KCNH7: variants seen among roughly 807,000 people sequenced by gnomAD.
KCNH7 encodes the protein voltage-gated inwardly rectifying potassium channel KCNH7.
Under a neutral mutation model 120.8 loss-of-function variants are expected in KCNH7, and 49 were observed. That is an observed-to-expected ratio of 0.41 (90% CI 0.32 to 0.51). The LOEUF is 0.51. KCNH7 is among the 20% of genes least tolerant of loss of function. The pLI is 0.38. For missense variants in KCNH7, 1,097 were observed against 1,446.6 expected (o/e 0.76, Z 3.92); for synonymous variants, 547 against 516.1 (o/e 1.06, Z -0.81).
intron 2 of KCNH7, among the ~76,000 whole-genome samples, chr2:162,636,579 T>A (rs1260111508): frequency 1.3e-5 from 2 of 152,126 alleles, no homozygotes; most frequent in East Asian, 1.9e-4. Context: ...AACCAAAAAC[T>A]GAACATAAAA....
At chr2:162,617,598 T>TTA (rs1335084062) in intron 2 of KCNH7, among the ~76,000 whole-genome samples, 1 of 152,064 alleles carries the variant, frequency 6.6e-6, no homozygotes, top group African/African-American at 2.4e-5. Flanking sequence ...ACAAAAACAG[T>TTA]TATATATATA....
At chr2:162,769,801 A>C (rs1682971958) in intron 2 of KCNH7, among the ~76,000 whole-genome samples, 1 of 152,146 alleles carries the variant, frequency 6.6e-6, no homozygotes, top group Non-Finnish European at 1.5e-5. Context: ...CAAAACATTA[A>C]AAACGGCATC....
intron 2 of KCNH7, among the ~76,000 whole-genome samples, chr2:162,686,347 G>A (rs1440762536): frequency 1.3e-5 from 2 of 152,066 alleles, no homozygotes; most frequent in African/African-American, 2.4e-5. Context: ...AGAAGTGAAT[G>A]TACCAATTCG....
rs182657799 is a variant in KCNH7 at position 162,637,189 on chromosome 2, C to T, written c.308-100109G>A. 2.0e-4 allele frequency among the ~76,000 whole-genome samples: 30 copies of T among 152,176 alleles called. 1 individual carries two copies. In the East Asian group the frequency reaches 5.2e-3, roughly 26 times the overall value. Reference sequence around the variant, plus strand: ...TTAATGGTTAGGGGAATTCCATCCTCTTGTTTTCATGTGGAGAATTTCCAC... The same window carrying T: ...TTAATGGTTAGGGGAATTCCATCCTTTTGTTTTCATGTGGAGAATTTCCAC... On this transcript the variant is annotated intron_variant, in intron 2 of 15. Transcript: ENST00000332142.
At chr2:162,375,301 C>A (rs948026980) in intron 14 of KCNH7, among the ~76,000 whole-genome samples, 1 of 152,090 alleles carries the variant, frequency 6.6e-6, no homozygotes, top group Admixed American at 6.5e-5. Flanking sequence ...GATTCAAGAT[C>A]CAAAAATGAG....
intron 2 of KCNH7, among the ~76,000 whole-genome samples, chr2:162,591,198 C>T (rs1250900115): frequency 6.6e-6 from 1 of 152,000 alleles, no homozygotes; most frequent in African/African-American, 2.4e-5. Flanking sequence ...TATACATCAC[C>T]CAATTTATTA....
At chr2:162,650,905 T>C (rs1048349027) in intron 2 of KCNH7, among the ~76,000 whole-genome samples, 3 of 152,156 alleles carry the variant, frequency 2.0e-5, no homozygotes, top group Non-Finnish European at 4.4e-5. Flanking sequence ...GGTAGGTACG[T>C]ATAACTAAAG....
chr2:162,626,365 T>C (rs1321044401), intron 2 of KCNH7, among the ~76,000 whole-genome samples: 1 of 152,102 alleles, frequency 6.6e-6, no homozygotes, highest in Non-Finnish European at 1.5e-5. Context: ...ATAAATCCAA[T>C]ACTAGAAATA....
At chr2:162,537,193 G>T in intron 2 of KCNH7, 113 bp from the exon 3 acceptor site, 2 of 720,278 alleles carry the variant, frequency 2.8e-6, no homozygotes, top group African/African-American at 1.8e-5. Context: ...AATGATCACT[G>T]ATATTAAAAA....
At chr2:162,823,909 T>TTTTTTTTTTGAGACGGAGTCTC (rs1323149636) in intron 2 of KCNH7, among the ~76,000 whole-genome samples, 6 of 152,152 alleles carry the variant, frequency 3.9e-5, no homozygotes, top group Non-Finnish European at 5.9e-5. Flanking sequence ...ATTTTTTAAT[T>TTTTTTTTTTGAGACGGAGTCTC]GCCATATAAG....
intron 2 of KCNH7, among the ~76,000 whole-genome samples, chr2:162,801,095 T>C (rs188269172): frequency 1.3e-5 from 2 of 151,916 alleles, no homozygotes; most frequent in East Asian, 3.9e-4. Context: ...TCTCTATTTT[T>C]AAAAGAAGAA....
chr2:162,394,700 G>A (rs1686854267), intron 11 of KCNH7, among the ~76,000 whole-genome samples: 1 of 151,806 alleles, frequency 6.6e-6, no homozygotes, highest in African/African-American at 2.4e-5. Context: ...CCATTTGCTG[G>A]GGAAATCATA....
At chr2:162,441,177 T>C (rs2105538846) in intron 7 of KCNH7, among the ~76,000 whole-genome samples, 1 of 152,282 alleles carries the variant, frequency 6.6e-6, no homozygotes, top group Admixed American at 6.5e-5. Context: ...AGCAACTTTA[T>C]GTGTAGAAAT....
chr2:162,456,610 G>C (rs1330087694), intron 6 of KCNH7, among the ~76,000 whole-genome samples: 1 of 152,094 alleles, frequency 6.6e-6, no homozygotes, highest in African/African-American at 2.4e-5. Context: ...GGGTGTTAAA[G>C]TCTCCCACTA....
At chr2:162,765,284 C>T (rs1278930539) in intron 2 of KCNH7, among the ~76,000 whole-genome samples, 2 of 152,134 alleles carry the variant, frequency 1.3e-5, no homozygotes, top group East Asian at 3.8e-4. Flanking sequence ...GTGTACAAGT[C>T]CAAAAATGCA....
At chr2:162,752,911 A>G (rs1559116090) in intron 2 of KCNH7, among the ~76,000 whole-genome samples, 19 of 44,976 alleles carry the variant, frequency 4.2e-4, no homozygotes, top group Admixed American at 9.7e-4. Context: ...AGAAAAAGAA[A>G]AGAAAAGAAA....
chr2:162,526,096 G>T (rs983021048), intron 3 of KCNH7, among the ~76,000 whole-genome samples: 4 of 151,866 alleles, frequency 2.6e-5, no homozygotes, highest in African/African-American at 9.7e-5. Flanking sequence ...GTGTCCAGGG[G>T]AGACATCACA....
chr2:162,457,552 TATTTATTCAATGAAGATCTACTGTGAA>T (rs1689010289), intron 6 of KCNH7, among the ~76,000 whole-genome samples: 1 of 152,188 alleles, frequency 6.6e-6, no homozygotes, highest in Non-Finnish European at 1.5e-5. Context: ...GAAACAGAAC[TATTTATTCAATGAAGATCTACTGTGAA>T]AATTTTGTGC....
chr2:162,401,944 T>C (rs569508424), intron 9 of KCNH7, among the ~76,000 whole-genome samples: 35 of 151,848 alleles, frequency 2.3e-4, no homozygotes, highest in Non-Finnish European at 4.7e-4. Context: ...GTGTGCCAAT[T>C]GTTAGACACA....
Sources: gnomAD v4.1 joint callset for allele counts (sites outside exome capture counted in the v4.1 genomes callset) on GRCh38, gnomAD v4.1.1 for gene constraint, MANE v1.5 for transcripts, NCBI Gene and HGNC (gene_info 2026-07-23, HGNC 2026-07-21) for gene names.